The following HACE1 variants were observed in gnomAD, a reference collection of about 807,000 sequenced individuals.
The protein encoded by HACE1 is E3 ubiquitin-protein ligase HACE1.
Under a neutral mutation model 118.4 loss-of-function variants are expected in HACE1, and 73 were observed. The ratio of observed to expected loss-of-function variants is 0.62; its 90% confidence interval spans 0.51 to 0.75. The LOEUF is 0.75. Ranked by LOEUF, HACE1 falls within the 30% of genes least tolerant of loss-of-function variation. The pLI, the probability that HACE1 is intolerant of heterozygous loss-of-function variation, is 0.00. For missense variants in HACE1, 749 were observed against 1,102.2 expected (o/e 0.68, Z 4.54); for synonymous variants, 368 against 374.8 (o/e 0.98, Z 0.21).
chr6:104,777,143 T>C, intron 15 of HACE1, 33 bp from the exon 16 acceptor site: 1 of 1,561,094 alleles, frequency 6.4e-7, no homozygotes, highest in Middle Eastern at 1.7e-4. Context: ...TTTTACATAT[T>C]AAAATTTATA....
At chr6:104,831,999 G>A (rs1263758540) in intron 6 of HACE1, among the ~76,000 whole-genome samples, 6 of 104,642 alleles carry the variant, frequency 5.7e-5, no homozygotes, top group East Asian at 3.1e-4. Flanking sequence ...AGGAAGGAAG[G>A]AAGGAAGGAA....
Position 104,791,504 on chromosome 6 carries a change from C to G in HACE1, c.1074G>C (p.Lys358Asn). 1 of 1,611,976 alleles carries G rather than the reference C, an allele frequency of 6.2e-7. No homozygotes were observed. Among genetic ancestry groups the G allele is most frequent in the Non-Finnish European group, 8.5e-7 (1 of 1,178,222 alleles). ...GNKTPRSQVF[K>N]PLELLWHSLD... ...TAACAATGCCATATACTTTTCTCAC[C>G]TTGAACACCTGGCTTCTTGGAGTTT... Residue 358 changes from lysine to asparagine, a missense_variant and splice_region_variant, in exon 11 of 24, where the codon AAG becomes AAC. By Grantham distance (94) the Lys-to-Asn change is moderately conservative. Transcript: ENST00000262903.
At chr6:104,832,155 C>T (rs1325356620) in intron 6 of HACE1, among the ~76,000 whole-genome samples, 1 of 152,098 alleles carries the variant, frequency 6.6e-6, no homozygotes, top group Non-Finnish European at 1.5e-5. Flanking sequence ...TCCTCACTAT[C>T]TAATCTCCAA....
intron 6 of HACE1, among the ~76,000 whole-genome samples, chr6:104,831,678 G>A (rs1277731815): frequency 6.6e-6 from 1 of 151,908 alleles, no homozygotes; most frequent in East Asian, 1.9e-4. Flanking sequence ...CGGATCATGA[G>A]GTCGGGAGAT....
chr6:104,817,652 G>C (rs1049744711), intron 6 of HACE1, among the ~76,000 whole-genome samples: 2 of 152,202 alleles, frequency 1.3e-5, no homozygotes, highest in African/African-American at 4.8e-5. Flanking sequence ...TTGTAGAAGA[G>C]AGTAGGAAGA....
intron 20 of HACE1, among the ~76,000 whole-genome samples, chr6:104,748,210 T>C (rs1025633979): frequency 1.3e-5 from 2 of 150,526 alleles, no homozygotes; most frequent in African/African-American, 2.5e-5. Context: ...AAGACTCTTA[T>C]AAAAGAATTC....
rs1159370677 is a variant in HACE1, at chr6:104,784,137, G to A, written c.1515C>T (p.Leu505=). 1.2e-6 allele frequency: 2 copies of A among 1,602,244 alleles called. No individual in the cohort carries two copies. The highest frequency in any genetic ancestry group is 4.5e-5 in the East Asian group (2 of 44,726). Residue 505 remains leucine (L), a synonymous_variant, in exon 14 of 24, where the codon CTC becomes CTT. Transcript: ENST00000262903. ...PKIIFDHFHF[L]LECPELMSRF... is the part of the protein sequence containing the mutation. ...TTGACATCAACTCAGGACATTCAAG[G>A]AGAAAGTGAAAGTGGTCAAATATAA...
At chr6:104,837,476 T>G (rs984542363) in intron 5 of HACE1, among the ~76,000 whole-genome samples, 16 of 152,152 alleles carry the variant, frequency 1.1e-4, no homozygotes, top group Non-Finnish European at 4.4e-5. Flanking sequence ...GCCTCATAAC[T>G]TATGCAAACA....
In HACE1 at chr6:104,850,958, A is replaced by G; in HGVS notation, c.170T>C (p.Val57Ala). 1 of 1,610,118 alleles carries G rather than the reference A, an allele frequency of 6.2e-7. No individual in the cohort carries two copies. Among genetic ancestry groups the G allele is most frequent in the East Asian group, 2.2e-5 (1 of 44,850 alleles). The change falls in exon 3 of 24, where the codon GTC becomes GCC. Residue 57 changes from valine to alanine, a missense_variant. By Grantham distance (64) the Val-to-Ala change is moderately conservative (BLOSUM62 0). Transcript: ENST00000262903. Reference sequence around the variant, plus strand: ...TTTCACACGTCCGAATGCATAATTGACATCAAATTTTGAATTTGATAGTAG... The same window carrying G: ...TTTCACACGTCCGAATGCATAATTGGCATCAAATTTTGAATTTGATAGTAG... ...SELLSNSKFD[V>A]NYAFGRVKRS... is the part of the protein sequence containing the mutation.
intron 22 of HACE1, among the ~76,000 whole-genome samples, chr6:104,736,849 A>C (rs1040299801): frequency 1.3e-5 from 2 of 152,184 alleles, no homozygotes; most frequent in Non-Finnish European, 2.9e-5. Flanking sequence ...AGACTAAAAA[A>C]AATAAGCAAA....
At position 104,820,194 on chromosome 6, in the gene HACE1, C is replaced by CAA. The variant is rs60172674; in HGVS notation, c.535-8803_535-8802dup. ...TGGGCAACAGAGTGAGACTCCGTCT[C>CAA]AAAAAAAAAAAAAAAAAAAAGTAAA... On this transcript the variant is annotated intron_variant, in intron 6 of 23. Coordinates refer to ENST00000262903, the MANE Select transcript of HACE1 (RefSeq NM_020771.4). Among the ~76,000 whole-genome samples the CAA allele has an allele frequency of 3.6e-3, 214 of 58,698 alleles. 1 individual carries two copies. Among genetic ancestry groups the CAA allele is most frequent in the African/African-American group, 0.012 (199 of 17,020 alleles). 38.5% of individuals were successfully genotyped at this position (58,698 alleles called of 152,430 possible).
At chr6:104,798,857 C>T (rs1582526438) in intron 7 of HACE1, among the ~76,000 whole-genome samples, 1 of 152,256 alleles carries the variant, frequency 6.6e-6, no homozygotes, top group East Asian at 1.9e-4. Context: ...CTGCTGAGTT[C>T]AATTTTAATG....
intron 18 of HACE1, 117 bp downstream of exon 18, chr6:104,771,808 G>C: frequency 2.6e-6 from 2 of 758,088 alleles, no homozygotes; most frequent in Non-Finnish European, 4.5e-6. Context: ...TATACAGATG[G>C]GCTCCAATCA....
At chr6:104,849,378 C>T (rs1162241870) in intron 3 of HACE1, 132 bp from the exon 4 acceptor site, 18 of 707,636 alleles carry the variant, frequency 2.5e-5, no homozygotes, top group South Asian at 1.7e-4. Flanking sequence ...GCTCTGTCGC[C>T]CATGCTGGAG....
intron 22 of HACE1, among the ~76,000 whole-genome samples, chr6:104,732,708 C>A (rs1333456557): frequency 6.6e-6 from 1 of 151,972 alleles, no homozygotes; most frequent in Admixed American, 6.6e-5. Flanking sequence ...TATGCATTTA[C>A]ACACACACAC....
At chr6:104,758,663 A>G (rs1384140723) in intron 19 of HACE1, among the ~76,000 whole-genome samples, 1 of 152,186 alleles carries the variant, frequency 6.6e-6, no homozygotes, top group Non-Finnish European at 1.5e-5. Flanking sequence ...ATAACCAGCT[A>G]GCATCATAAT....
chr6:104,756,427 AT>A (rs67306493), intron 19 of HACE1, among the ~76,000 whole-genome samples: 16,838 of 89,802 alleles, frequency 0.19, 1,166 homozygotes, highest in East Asian at 0.24. Flanking sequence ...AAAAAAAAAA[AT>A]ATATATATAT....
At chr6:104,762,555 G>T (rs748609049) in intron 19 of HACE1, among the ~76,000 whole-genome samples, 10 of 152,020 alleles carry the variant, frequency 6.6e-5, no homozygotes, top group Non-Finnish European at 1.3e-4. Context: ...TGCTGAGGGT[G>T]GGGGGCTAGA....
At chr6:104,802,255 C>A (rs1770456180) in intron 7 of HACE1, among the ~76,000 whole-genome samples, 1 of 152,130 alleles carries the variant, frequency 6.6e-6, no homozygotes, top group Admixed American at 6.5e-5. Flanking sequence ...TAGACTCCCA[C>A]ACAATAATAA....
Sources: gnomAD v4.1 joint callset for allele counts (sites outside exome capture counted in the v4.1 genomes callset) on GRCh38, gnomAD v4.1.1 for gene constraint, MANE v1.5 for transcripts, NCBI Gene and HGNC (gene_info 2026-07-23, HGNC 2026-07-21) for gene names.